Variants in PDE1C observed in about 807,000 individuals in gnomAD.
PDE1C encodes phosphodiesterase 1C.
Under a neutral mutation model 93.1 loss-of-function variants are expected in PDE1C, and 62 were observed. The ratio of observed to expected loss-of-function variants is 0.67; its 90% confidence interval spans 0.54 to 0.82. The LOEUF (loss-of-function observed/expected upper bound fraction) is 0.82, where lower values mean the gene tolerates loss of function less well. Among genes scored for constraint, PDE1C ranks in the 40% least tolerant of loss-of-function variants. The pLI, the probability that PDE1C is intolerant of heterozygous loss-of-function variation, is 0.00. For missense variants in PDE1C, 742 were observed against 884.6 expected, an observed-to-expected ratio of 0.84 and a Z score of 2.04; for synonymous variants, 325 against 310.1, an observed-to-expected ratio of 1.05 and a Z score of -0.50.
chr7:31,754,453 T>C (rs1299087163), intron 17 of PDE1C, among the ~76,000 whole-genome samples: 1 of 152,240 alleles, frequency 6.6e-6, no homozygotes, highest in Non-Finnish European at 1.5e-5. Context: ...GTAGAATCTT[T>C]ATTCATAAGT....
intron 2 of PDE1C, among the ~76,000 whole-genome samples, chr7:32,202,814 G>A (rs1805112976): frequency 6.6e-6 from 1 of 152,124 alleles, no homozygotes; most frequent in Admixed American, 6.5e-5. Flanking sequence ...TTGCGTGGTT[G>A]ATTGATTGGT....
At chr7:31,723,541 T>C in the PDE1C span, among the ~76,000 whole-genome samples, 1 of 152,152 alleles carries the variant, frequency 6.6e-6, no homozygotes, top group African/African-American at 2.4e-5. Flanking sequence ...TGGTTCTCCC[T>C]GTCCTGTTTG....
intron 6 of PDE1C, among the ~76,000 whole-genome samples, chr7:31,870,396 C>T (rs1053423923): frequency 6.6e-6 from 1 of 151,752 alleles, no homozygotes; most frequent in African/African-American, 2.4e-5. Context: ...TCCAAATAAA[C>T]AACATCAGAA....
intron 2 of PDE1C, among the ~76,000 whole-genome samples, chr7:31,992,291 G>C (rs1784235121): frequency 1.3e-5 from 2 of 152,194 alleles, no homozygotes; most frequent in African/African-American, 4.8e-5. Flanking sequence ...TCCATATCTA[G>C]CCAAGGAAGC....
the PDE1C span, among the ~76,000 whole-genome samples, chr7:31,700,763 A>G: frequency 7.9e-5 from 12 of 152,124 alleles, no homozygotes; most frequent in Non-Finnish European, 1.3e-4. Context: ...CTATTCTGAA[A>G]ATCCTAGGGC....
chr7:31,683,306 T>A, the PDE1C span, among the ~76,000 whole-genome samples: 1 of 152,178 alleles, frequency 6.6e-6, no homozygotes, highest in African/African-American at 2.4e-5. Context: ...TACAATTATC[T>A]CAATTAAAAT....
At chr7:31,966,887 A>G (rs952513569) in intron 2 of PDE1C, among the ~76,000 whole-genome samples, 1 of 152,172 alleles carries the variant, frequency 6.6e-6, no homozygotes, top group African/African-American at 2.4e-5. Flanking sequence ...TGAAGGCAGA[A>G]ATAAAGATGT....
intron 2 of PDE1C, among the ~76,000 whole-genome samples, chr7:31,905,239 T>C (rs1800450266): frequency 6.6e-6 from 1 of 152,188 alleles, no homozygotes. Context: ...ATCTGTATTG[T>C]TGTGGATTCT....
chr7:32,283,603 A>G (rs112487894), intron 1 of PDE1C, among the ~76,000 whole-genome samples: 15 of 152,338 alleles, frequency 9.8e-5, no homozygotes, highest in African/African-American at 3.6e-4. Context: ...AGCACCATGG[A>G]TCCACATTAA....
intron 14 of PDE1C, among the ~76,000 whole-genome samples, chr7:31,821,860 C>T (rs913284546): frequency 6.6e-6 from 1 of 152,100 alleles, no homozygotes; most frequent in African/African-American, 2.4e-5. Flanking sequence ...CCAGCCCCAA[C>T]CCAATATATG....
At chr7:31,827,586 A>G (rs1432555730) in intron 12 of PDE1C, among the ~76,000 whole-genome samples, 4 of 152,116 alleles carry the variant, frequency 2.6e-5, no homozygotes, top group Non-Finnish European at 5.9e-5. Context: ...AAGACTCAAT[A>G]TACATTATAA....
the PDE1C span, chr7:31,696,994 T>C: frequency 1.5e-5 from 24 of 1,614,014 alleles, no homozygotes; most frequent in Admixed American, 1.7e-4. Context: ...AATTAAAAGA[T>C]ACGATGTTCA....
At chr7:31,922,918 CCTCTT>C (rs1802816161) in intron 2 of PDE1C, among the ~76,000 whole-genome samples, 1 of 152,134 alleles carries the variant, frequency 6.6e-6, no homozygotes, top group Non-Finnish European at 1.5e-5. Flanking sequence ...AAGTGGATCT[CCTCTT>C]AGAATTGGAA....
intron 2 of PDE1C, among the ~76,000 whole-genome samples, chr7:32,019,987 A>C (rs982203253): frequency 4.6e-5 from 7 of 152,106 alleles, no homozygotes; most frequent in African/African-American, 1.4e-4. Context: ...GAGTCTGCAG[A>C]GATGAGATGA....
chr7:31,672,398 A>G, the PDE1C span, among the ~76,000 whole-genome samples: 4 of 152,178 alleles, frequency 2.6e-5, no homozygotes, highest in Non-Finnish European at 4.4e-5. Flanking sequence ...CTCTCAATAT[A>G]CACATAAAAG....
chr7:31,886,772 A>G (rs921539727), intron 2 of PDE1C, among the ~76,000 whole-genome samples: 2 of 148,948 alleles, frequency 1.3e-5, no homozygotes, highest in Non-Finnish European at 3.0e-5. Context: ...ATCTATTCAG[A>G]TCTATTCAGA....
At chr7:32,405,981 G>C (rs556520268) in intron 1 of PDE1C, among the ~76,000 whole-genome samples, 38 of 152,268 alleles carry the variant, frequency 2.5e-4, no homozygotes, top group African/African-American at 8.9e-4. Flanking sequence ...GTGTAGCTCA[G>C]CATACTTTTC....
At chr7:31,709,899 C>T in the PDE1C span, among the ~76,000 whole-genome samples, 1 of 152,120 alleles carries the variant, frequency 6.6e-6, no homozygotes, top group Non-Finnish European at 1.5e-5. Context: ...GCCTGTAATT[C>T]CAACACTTTG....
chr7:32,021,975 C>A lies in PDE1C; in HGVS notation c.128+29579G>T, dbSNP rs148601135. Among the ~76,000 whole-genome samples, 301 of 152,158 alleles carry A rather than the reference C, an allele frequency of 2.0e-3. 4 individuals are homozygous for A. Among genetic ancestry groups the A allele is most frequent in the African/African-American group, 7.0e-3 (291 of 41,520 alleles). On this transcript the variant is annotated intron_variant, in intron 2 of 17. Coordinates refer to ENST00000396191, the MANE Select transcript of PDE1C (RefSeq NM_001191057.4). ...TTCTGTCTTAGGATGTTCTTAGTAT[C>A]TCAATCTAACAATCAGGAATTTTTT...
Sources: allele counts gnomAD v4.1 joint callset (sites outside exome capture counted in the v4.1 genomes callset), GRCh38; gene constraint gnomAD v4.1.1; transcripts MANE v1.5; gene names NCBI Gene and HGNC (gene_info 2026-07-23, HGNC 2026-07-21).